Variants in PEX6 observed in about 807,000 individuals in gnomAD.
PEX6 encodes the protein peroxisomal biogenesis factor 6.
Under a neutral mutation model 85.6 loss-of-function variants are expected in PEX6, and 55 were observed. The ratio of observed to expected loss-of-function variants is 0.64; its 90% confidence interval spans 0.52 to 0.80. The LOEUF is 0.80. PEX6 is among the 30% of genes least tolerant of loss of function. PEX6 has a pLI of 0.00. For synonymous variants in PEX6, 519 were observed against 549.1 expected (o/e 0.95, Z 0.77); for missense variants, 1,099 against 1,260.3 (o/e 0.87, Z 1.94).
chr6:42,978,553 C>T lies in PEX6; in HGVS notation c.598G>A (p.Gly200Arg). 1 of 1,613,316 alleles carries T rather than the reference C, an allele frequency of 6.2e-7. No homozygotes were observed. The highest frequency in any genetic ancestry group is 8.5e-7 in the Non-Finnish European group (1 of 1,179,942). ...TVRRLQGVLG[G>R]TGDSLGVSRS... is the part of the protein sequence containing the mutation. ...CTCACCCCTAGTGAATCTCCAGTCC[C>T]TCCCAGAACTCCCTGGAGTCGCCGC... The change falls in exon 1 of 17, where the codon GGG becomes AGG. Residue 200 changes from glycine to arginine, a missense_variant. By Grantham distance (125) the Gly-to-Arg change is moderately radical. This residue lies in a region of PEX6 where 579 missense variants were observed against 611.6 expected (regional missense o/e 0.95). Coordinates refer to ENST00000304611, the MANE Select transcript of PEX6 (RefSeq NM_000287.4).
intron 5 of PEX6, 103 bp downstream of exon 5, chr6:42,969,565 C>A (rs1423502410): frequency 6.9e-7 from 1 of 1,447,372 alleles, no homozygotes; most frequent in Non-Finnish European, 9.7e-7. Context: ...TCCTCCCAAT[C>A]CCACTCTGGC....
intron 3 of PEX6, among the ~76,000 whole-genome samples, chr6:42,973,032 GAT>G (rs1770122044): frequency 6.6e-6 from 1 of 152,028 alleles, no homozygotes; most frequent in African/African-American, 2.4e-5. Flanking sequence ...TATTTTTTGA[GAT>G]GGAGTCTTGC....
intron 1 of PEX6, among the ~76,000 whole-genome samples, chr6:42,975,746 T>C (rs1770268232): frequency 6.6e-6 from 1 of 152,058 alleles, no homozygotes. Context: ...AGTCTCACTT[T>C]GTCGCCCATG....
At chr6:42,973,385 A>C (rs1446879448) in intron 3 of PEX6, among the ~76,000 whole-genome samples, 1 of 152,010 alleles carries the variant, frequency 6.6e-6, no homozygotes, top group Admixed American at 6.6e-5. Flanking sequence ...CAAAGCCAGC[A>C]GGGAGTGGTT....
rs199661664 is a variant in PEX6 at position 42,966,418 on chromosome 6, A to G, written c.2124T>C (p.Gly708=). 2.8e-5 allele frequency: 45 copies of G among 1,613,920 alleles called. No individual in the cohort carries two copies. Among genetic ancestry groups the G allele is most frequent in the Non-Finnish European group, 3.5e-5 (41 of 1,180,030 alleles). ...KIPSVSWHDV[G]GLQEVKKEIL... is the part of the protein sequence containing the mutation. ...TCTCCTTCTTCACCTCCTGCAGCCC[A>G]CCCACATCATGCCAGGACACTGAGG... Residue 708 remains glycine, a synonymous_variant, in exon 11 of 17, where the codon GGT becomes GGC. Coordinates refer to ENST00000304611, the MANE Select transcript of PEX6 (RefSeq NM_000287.4).
chr6:42,978,799 G>A lies in PEX6; in HGVS notation c.352C>T (p.Pro118Ser), dbSNP rs1040900085. 1.3e-6 allele frequency: 2 copies of A among 1,533,754 alleles called. No individual in the cohort carries two copies. Among genetic ancestry groups the A allele is most frequent in the Middle Eastern group, 2.2e-4 (1 of 4,526 alleles). Residue 118 changes from proline (P) to serine (S), a missense_variant, in exon 1 of 17, where the codon CCG becomes TCG. Physicochemically the swap from Pro to Ser is moderately conservative, Grantham distance 74. Coordinates refer to ENST00000304611, the MANE Select transcript of PEX6 (RefSeq NM_000287.4). ...CTCACCAGCAGCGGCCCGACTCGCG[G>A]TCCGAGCCCAGGCCCCAGCGAGGTG... Reference protein sequence around the residue: ...LGTSLGPGLGPRVGPLLVRRG... With the variant: ...LGTSLGPGLGSRVGPLLVRRG...
chr6:42,978,602 G>A lies in PEX6; in HGVS notation c.549C>T (p.Ser183=), dbSNP rs2150239811. 6.2e-7 allele frequency: 1 copy of A among 1,607,984 alleles called. No individual in the cohort carries two copies. The highest frequency in any genetic ancestry group is 8.5e-7 in the Non-Finnish European group (1 of 1,179,072). The change falls in exon 1 of 17, where the codon TCC becomes TCT. Residue 183 remains serine, a synonymous_variant. Coordinates refer to ENST00000304611, the MANE Select transcript of PEX6 (RefSeq NM_000287.4). ...SSRPPPPPVV[S]SFAVSGTVRR... ...GCACTGTGCCAGAAACCGCAAAGGA[G>A]GACACCACGGGCGGGGGTGGGGGCC... is the stretch of plus-strand genomic sequence containing the variant.
chr6:42,968,966 T>C lies in PEX6; in HGVS notation c.1387A>G (p.Thr463Ala), dbSNP rs182308788. Residue 463 changes from threonine (T) to alanine (A), a missense_variant, in exon 6 of 17, where the codon ACT (threonine) becomes GCT (alanine). Around this residue, in one of 3 missense-constraint regions of PEX6, gnomAD observed 579 missense variants for 611.6 expected, o/e 0.95. Transcript: ENST00000304611. ...GGGCCCCGTAGAAGGACACTGCTAG[T>C]TCCTGTCAGCAGGGCACCCCTGCAA... ...LQPGGALLTG[T>A]SSVLLRGPPG... 9.2e-5 allele frequency: 148 copies of C among 1,613,508 alleles called. No homozygotes were observed. The highest frequency in any genetic ancestry group is 2.0e-4 in the Admixed American group (12 of 60,026).
At chr6:42,969,361 G>T (rs1488332118) in intron 5 of PEX6, among the ~76,000 whole-genome samples, 2 of 152,230 alleles carry the variant, frequency 1.3e-5, no homozygotes, top group African/African-American at 4.8e-5. Context: ...CAGGGCCAGG[G>T]CAGTAAAGTG....
chr6:42,977,870 T>A (rs1428331410), intron 1 of PEX6, among the ~76,000 whole-genome samples: 1 of 136,028 alleles, frequency 7.4e-6, no homozygotes, highest in African/African-American at 2.8e-5. Context: ...TGAGACAGAG[T>A]TTCACTCTTA....
chr6:42,966,272 A>G lies in PEX6; in HGVS notation c.2270T>C (p.Val757Ala), dbSNP rs1479589748. The change falls in exon 11 of 17, where the codon GTA (valine) becomes GCA (alanine). Residue 757 changes from valine to alanine, a missense_variant. Physicochemically the swap from Val to Ala is moderately conservative, Grantham distance 64 (BLOSUM62 0). This residue lies in a region of PEX6 where 514 missense variants were observed against 627.0 expected (regional missense o/e 0.82). Transcript: ENST00000304611. ...GTGKTLLAKAVATECSLTFLS... is the reference protein window; with the variant it reads ...GTGKTLLAKAAATECSLTFLS... Reference sequence around the variant, plus strand: ...GAAGGTAAGGCTGCACTCAGTGGCTACTGCCTTGGCCAGAAGGGTCTTGCC... The same window carrying G: ...GAAGGTAAGGCTGCACTCAGTGGCTGCTGCCTTGGCCAGAAGGGTCTTGCC... 1 of 1,612,062 alleles carries G rather than the reference A, an allele frequency of 6.2e-7. No individual in the cohort carries two copies. Among genetic ancestry groups the G allele is most frequent in the East Asian group, 2.2e-5 (1 of 44,866 alleles).
chr6:42,973,731 C>G (rs2075248963), intron 3 of PEX6, among the ~76,000 whole-genome samples: 1 of 152,150 alleles, frequency 6.6e-6, no homozygotes, highest in African/African-American at 2.4e-5. Flanking sequence ...TGATGCGAAC[C>G]TGTAGTCCCA....
At chr6:42,969,027 A>C in intron 5 of PEX6, 42 bp from the exon 6 acceptor site, 1 of 1,380,040 alleles carries the variant, frequency 7.2e-7, no homozygotes, top group East Asian at 2.3e-5. Context: ...CATTTTGCCC[A>C]AACATTAGAG....
chr6:42,973,938 G>A (rs1020031605), intron 3 of PEX6, 65 bp downstream of exon 3: 2 of 1,054,982 alleles, frequency 1.9e-6, no homozygotes, highest in African/African-American at 1.6e-5. Context: ...TTGCAGGGAG[G>A]GGATTGTAGA....
Position 42,979,097 on chromosome 6 carries a change from C to T in PEX6, c.54G>A (p.Pro18=), listed in dbSNP as rs2150240843. The stretch of plus-strand genomic sequence containing the variant: ...CCCCGGGTGGCAGCAGCACTGCCAA[C>T]GGGGGTGTCTCGGTCGGAAAGGGCT... The part of the protein sequence containing the change: ...VLEPFPTETP[P]LAVLLPPGGP... The change falls in exon 1 of 17, where the codon CCG becomes CCA. Residue 18 remains proline (P), a synonymous_variant. Transcript: ENST00000304611. 1 of 1,558,148 alleles carries T rather than the reference C, an allele frequency of 6.4e-7. No individual in the cohort carries two copies. The highest frequency in any genetic ancestry group is 2.4e-5 in the East Asian group (1 of 42,486).
At chr6:42,966,946 T>A in intron 8 of PEX6, 88 bp from the exon 9 acceptor site, 2 of 878,624 alleles carry the variant, frequency 2.3e-6, no homozygotes, top group Non-Finnish European at 3.8e-6. Context: ...AGAGGCCCTC[T>A]GTTGATGCCT....
intron 7 of PEX6, among the ~76,000 whole-genome samples, chr6:42,967,947 C>CT (rs34767122): frequency 0.4 from 54,319 of 136,298 alleles, 11,133 homozygotes; most frequent in Non-Finnish European, 0.45. Context: ...CCCGCTCCCC[C>CT]TTTTTTTTTT....
At position 42,968,980 on chromosome 6, in the gene PEX6, G is replaced by T. The variant is rs1581764819; in HGVS notation, c.1373C>A (p.Ala458Asp). 6.2e-7 allele frequency: 1 copy of T among 1,610,680 alleles called. No homozygotes were observed. Among genetic ancestry groups the T allele is most frequent in the South Asian group, 1.1e-5 (1 of 91,014 alleles). Reference protein sequence around the residue: ...VLKPRLQPGGALLTGTSSVLL... With the variant: ...VLKPRLQPGGDLLTGTSSVLL... The stretch of plus-strand genomic sequence containing the variant: ...GACACTGCTAGTTCCTGTCAGCAGG[G>T]CACCCCTGCAACCAGAGAACAGACA... The change falls in exon 6 of 17, where the codon GCC becomes GAC. Residue 458 changes from alanine to aspartate, a missense_variant. Coordinates refer to ENST00000304611, the MANE Select transcript of PEX6 (RefSeq NM_000287.4).
In PEX6 at chr6:42,964,344, A is replaced by C. The variant is rs759449141; in HGVS notation, c.2934T>G (p.Ala978=). ...LRYKRIQRKF[A]AC ...AGACCCTGGGGGGCTCCTAGCAGGC[A>C]GCAAACTTGCGCTGGATGCGCTTGT... is the stretch of plus-strand genomic sequence containing the variant. The change falls in exon 17 of 17, where the codon GCT becomes GCG. Residue 978 remains alanine, a synonymous_variant. Coordinates refer to ENST00000304611, the MANE Select transcript of PEX6 (RefSeq NM_000287.4). This position sits in a 1 kb window ranked among gnomAD's most constrained non-coding sequence, Gnocchi z 4.6. The C allele has an allele frequency of 6.2e-7, 1 of 1,613,758 alleles. No homozygotes were observed. The highest frequency in any genetic ancestry group is 8.5e-7 in the Non-Finnish European group (1 of 1,179,992).
Sources: gnomAD v4.1 joint callset for allele counts (sites outside exome capture counted in the v4.1 genomes callset) on GRCh38, gnomAD v4.1.1 for gene constraint, gnomAD v4.1.1 regional missense constraint, Gnocchi (gnomAD v3.1) non-coding constraint, MANE v1.5 for transcripts, NCBI Gene and HGNC (gene_info 2026-07-23, HGNC 2026-07-21) for gene names.